The following ADAMTSL3 variants were observed in gnomAD, a reference collection of about 807,000 sequenced individuals.
The protein encoded by ADAMTSL3 is ADAMTS like 3, also known as ADAMTS-like protein 3.
A neutral mutation model predicts 201.7 loss-of-function variants in ADAMTSL3; 128 were observed. That is an observed-to-expected ratio of 0.63 (90% CI 0.55 to 0.73). ADAMTSL3 has a LOEUF of 0.73. ADAMTSL3 is among the 30% of genes least tolerant of loss of function. The pLI, the probability that ADAMTSL3 is intolerant of heterozygous loss-of-function variation, is 0.00. For synonymous variants in ADAMTSL3, 738 were observed against 748.4 expected, an observed-to-expected ratio of 0.99 and a Z score of 0.23; for missense variants, 1,990 against 2,119.6, an observed-to-expected ratio of 0.94 and a Z score of 1.20.
At chr15:83,680,993 A>G (rs1022600064) in intron 2 of ADAMTSL3, among the ~76,000 whole-genome samples, 1 of 152,216 alleles carries the variant, frequency 6.6e-6, no homozygotes, top group Non-Finnish European at 1.5e-5. Flanking sequence ...TTTTAATGCT[A>G]CAGATTCTCG....
At chr15:83,970,695 G>T (rs903310026) in intron 20 of ADAMTSL3, 58 bp downstream of exon 20, 1 of 1,587,636 alleles carries the variant, frequency 6.3e-7, no homozygotes, top group Non-Finnish European at 8.6e-7. Flanking sequence ...ATTTTGTCCC[G>T]ATGTCTTTAT....
In ADAMTSL3 at chr15:83,720,359, A is replaced by G. The variant is rs551837419; in HGVS notation, c.189+15851A>G. ...TTAATTAGCAGAAAAGCATTTTACA[A>G]TTAAACATTTCTTCCATAGATATTT... On this transcript the variant is annotated intron_variant, in intron 3 of 29. Transcript: ENST00000286744. Among the ~76,000 whole-genome samples the G allele has an allele frequency of 3.5e-4, 54 of 152,368 alleles. 1 individual carries two copies. Among genetic ancestry groups the G allele is most frequent in the Admixed American group, 1.5e-3 (23 of 15,298 alleles).
intron 3 of ADAMTSL3, among the ~76,000 whole-genome samples, chr15:83,714,771 CTT>C (rs2061980764): frequency 2.8e-5 from 3 of 108,566 alleles, no homozygotes; most frequent in East Asian, 2.4e-4. Flanking sequence ...CTCTTTCTTT[CTT>C]TCTTTCTTTC....
intron 22 of ADAMTSL3, among the ~76,000 whole-genome samples, chr15:83,990,175 G>C (rs527353227): frequency 3.3e-5 from 5 of 152,224 alleles, no homozygotes; most frequent in Middle Eastern, 3.4e-3. Context: ...CTGAAGTCCA[G>C]AGAGGGAAGA....
intron 20 of ADAMTSL3, among the ~76,000 whole-genome samples, chr15:83,977,841 C>T (rs1297982420): frequency 1.3e-5 from 2 of 152,342 alleles, no homozygotes; most frequent in Admixed American, 6.5e-5. Flanking sequence ...CCTCCATGGG[C>T]CTCAGGGGCC....
intron 2 of ADAMTSL3, among the ~76,000 whole-genome samples, chr15:83,662,481 T>G: frequency 6.8e-6 from 1 of 147,906 alleles, no homozygotes; most frequent in Non-Finnish European, 1.5e-5. Context: ...GATGACGAGT[T>G]AGTGGGTTCA....
chr15:83,870,986 A>G, intron 9 of ADAMTSL3, 27 bp downstream of exon 9: 1 of 1,602,780 alleles, frequency 6.2e-7, no homozygotes, highest in Non-Finnish European at 8.5e-7. Context: ...CATAAACTTC[A>G]TGTACCTGAA....
intron 8 of ADAMTSL3, 89 bp from the exon 9 acceptor site, chr15:83,870,713 A>G: frequency 9.1e-7 from 1 of 1,096,326 alleles, no homozygotes; most frequent in Non-Finnish European, 1.3e-6. Context: ...TTTTGATATC[A>G]TATACTGACA....
Position 83,720,381 on chromosome 15 carries a change from A to T in ADAMTSL3, c.189+15873A>T, listed in dbSNP as rs961761816. On this transcript the variant is annotated intron_variant, in intron 3 of 29. Transcript: ENST00000286744. The stretch of plus-strand genomic sequence containing the variant: ...ACAATTAAACATTTCTTCCATAGAT[A>T]TTTCTTAAATGTTTGGTCCCTGACC... Among the ~76,000 whole-genome samples, 16 of 152,346 alleles carry T rather than the reference A, an allele frequency of 1.1e-4. 1 individual carries two copies. The highest frequency in any genetic ancestry group is 3.6e-4 in the African/African-American group (15 of 41,586).
intron 7 of ADAMTSL3, among the ~76,000 whole-genome samples, chr15:83,844,160 A>G (rs4465575): frequency 0.35 from 52,940 of 152,070 alleles, 10,290 homozygotes; most frequent in East Asian, 0.57. Context: ...CCATTTTTAC[A>G]TGGTGGCAGC....
chr15:83,775,048 T>C (rs2063047995), intron 4 of ADAMTSL3, among the ~76,000 whole-genome samples: 1 of 152,140 alleles, frequency 6.6e-6, no homozygotes, highest in Non-Finnish European at 1.5e-5. Flanking sequence ...GGTTTCACCA[T>C]ATTGGCCAGG....
At chr15:83,655,653 A>C in intron 1 of ADAMTSL3, 76 bp from the exon 2 acceptor site, 1 of 1,061,398 alleles carries the variant, frequency 9.4e-7, no homozygotes, top group Non-Finnish European at 1.4e-6. Context: ...CCCTCCATCT[A>C]ATGGGTCGCT....
chr15:83,678,557 A>T (rs1030548842), intron 2 of ADAMTSL3, among the ~76,000 whole-genome samples: 3 of 151,004 alleles, frequency 2.0e-5, no homozygotes, highest in African/African-American at 7.3e-5. Context: ...GCTGATTTTT[A>T]GATTTTTGTT....
intron 4 of ADAMTSL3, among the ~76,000 whole-genome samples, chr15:83,803,972 G>T (rs1018757567): frequency 6.6e-6 from 1 of 152,026 alleles, no homozygotes; most frequent in African/African-American, 2.4e-5. Context: ...GTGTAACCCC[G>T]TCTCTAATAA....
chr15:83,967,566 A>T (rs947810715), intron 19 of ADAMTSL3, among the ~76,000 whole-genome samples: 4 of 152,220 alleles, frequency 2.6e-5, no homozygotes, highest in Non-Finnish European at 5.9e-5. Flanking sequence ...TTCCATGTTC[A>T]TGGATATGAA....
intron 23 of ADAMTSL3, among the ~76,000 whole-genome samples, chr15:83,994,570 GTTTT>G (rs1323205524): frequency 2.3e-5 from 2 of 85,130 alleles, no homozygotes; most frequent in African/African-American, 4.0e-5. Context: ...GTTTGTTTCT[GTTTT>G]TTTGTTTTTT....
At chr15:83,827,174 T>C (rs1364885275) in intron 6 of ADAMTSL3, among the ~76,000 whole-genome samples, 2 of 152,192 alleles carry the variant, frequency 1.3e-5, no homozygotes, top group Non-Finnish European at 2.9e-5. Context: ...CAGCACCTGT[T>C]GTTTCCTGAC....
chr15:83,787,125 C>A (rs1348176842), intron 4 of ADAMTSL3, among the ~76,000 whole-genome samples: 1 of 152,160 alleles, frequency 6.6e-6, no homozygotes, highest in Non-Finnish European at 1.5e-5. Flanking sequence ...GTCCTCATTT[C>A]TTCCTTTTGC....
intron 26 of ADAMTSL3, among the ~76,000 whole-genome samples, chr15:84,024,597 G>T (rs527494255): frequency 6.6e-6 from 1 of 152,180 alleles, no homozygotes; most frequent in Non-Finnish European, 1.5e-5. Flanking sequence ...CCCCTGCTCT[G>T]CAGTCTCCCA....
Sources: allele counts gnomAD v4.1 joint callset (sites outside exome capture counted in the v4.1 genomes callset), GRCh38; gene constraint gnomAD v4.1.1; transcripts MANE v1.5; gene names NCBI Gene and HGNC (gene_info 2026-07-23, HGNC 2026-07-21).